Variants in GLI3 observed in about 807,000 individuals in gnomAD.
GLI3 encodes GLI family zinc finger 3.
A neutral mutation model predicts 100.8 loss-of-function variants in GLI3; 20 were observed. The observed-to-expected ratio is 0.20, with a 90% CI of 0.14 to 0.29. The LOEUF is 0.29. GLI3 is among the 10% of genes least tolerant of loss of function. GLI3 has a pLI of 1.00. For synonymous variants in GLI3, 938 were observed against 860.5 expected (o/e 1.09, Z -1.58); for missense variants, 2,040 against 2,128.5 (o/e 0.96, Z 0.82).
chr7:42,004,013 T>C (rs1200712714), intron 10 of GLI3, among the ~76,000 whole-genome samples: 2 of 152,122 alleles, frequency 1.3e-5, no homozygotes, highest in African/African-American at 4.8e-5. Context: ...CATAGAAATA[T>C]ATCATACCAC....
At chr7:42,036,057 A>G (rs1247947743) in intron 7 of GLI3, among the ~76,000 whole-genome samples, 4 of 152,222 alleles carry the variant, frequency 2.6e-5, no homozygotes, top group Admixed American at 1.3e-4. Flanking sequence ...TACTGTTATA[A>G]TATGTCAATG....
intron 2 of GLI3, among the ~76,000 whole-genome samples, chr7:42,204,931 T>A (rs1217434314): frequency 6.6e-6 from 1 of 152,134 alleles, no homozygotes; most frequent in African/African-American, 2.4e-5. Context: ...TAAATTTGTA[T>A]CTCCTCAGAC....
At chr7:42,225,036 A>G (rs1788557250) in intron 1 of GLI3, among the ~76,000 whole-genome samples, 1 of 152,250 alleles carries the variant, frequency 6.6e-6, no homozygotes, top group Admixed American at 6.5e-5. Flanking sequence ...GAATCTGGAC[A>G]GAGAACCCTT....
At chr7:42,195,135 G>A (rs1787905107) in intron 2 of GLI3, among the ~76,000 whole-genome samples, 1 of 152,116 alleles carries the variant, frequency 6.6e-6, no homozygotes, top group East Asian at 1.9e-4. Context: ...GTCTGCACTT[G>A]AGTTAATGAA....
At chr7:42,196,460 C>CA (rs1787930572) in intron 2 of GLI3, among the ~76,000 whole-genome samples, 1 of 151,990 alleles carries the variant, frequency 6.6e-6, no homozygotes, top group Admixed American at 6.6e-5. Flanking sequence ...ATGTACCTCC[C>CA]AAAAAAGATC....
At chr7:42,072,552 T>C (rs777093624) in intron 4 of GLI3, among the ~76,000 whole-genome samples, 2 of 152,204 alleles carry the variant, frequency 1.3e-5, no homozygotes, top group African/African-American at 2.4e-5. Flanking sequence ...CACTTGACAA[T>C]GCAATTGTAT....
intron 3 of GLI3, among the ~76,000 whole-genome samples, chr7:42,143,241 C>G (rs547689985): frequency 3.9e-5 from 6 of 152,160 alleles, no homozygotes; most frequent in Non-Finnish European, 8.8e-5. Context: ...ATCTAATTTT[C>G]AAAGGGCGGA....
intron 2 of GLI3, among the ~76,000 whole-genome samples, chr7:42,190,135 A>C (rs1263272458): frequency 1.1e-5 from 1 of 93,620 alleles, no homozygotes; most frequent in South Asian, 3.2e-4. Context: ...ATATCATCTT[A>C]CTGTCAAAAA....
chr7:42,027,347 T>TA (rs1308571027), intron 7 of GLI3, among the ~76,000 whole-genome samples: 1 of 152,090 alleles, frequency 6.6e-6, no homozygotes, highest in Non-Finnish European at 1.5e-5. Context: ...AATTTCTTTT[T>TA]AAAAAAATAA....
chr7:42,209,820 C>CT (rs553838767), intron 2 of GLI3, among the ~76,000 whole-genome samples: 49,159 of 138,294 alleles, frequency 0.36, 10,443 homozygotes, highest in East Asian at 0.68. Flanking sequence ...GGTTCTCTCT[C>CT]TTTTTTTTTT....
chr7:41,966,157 T>G lies in GLI3; in HGVS notation c.2916A>C (p.Pro972=), dbSNP rs748644965. ...CGCTGCACCTCCTCGGGGCATGAACTGGAGGCAGGGCCACGCCAGGCTCGA... is the reference window on the plus strand; with the variant it reads ...CGCTGCACCTCCTCGGGGCATGAACGGGAGGCAGGGCCACGCCAGGCTCGA... ...DALEPGVALP[P]VHAPRRCSDG... Residue 972 remains proline, a synonymous_variant, in exon 15 of 15, where the codon CCA becomes CCC. Transcript: ENST00000395925. The surrounding 1 kb of genome is among the most constrained non-coding windows in gnomAD (Gnocchi z 5.8). 6.9e-6 allele frequency: 11 copies of G among 1,599,188 alleles called. No individual in the cohort carries two copies. The South Asian group carries it at 1.1e-4, about 16-fold the overall frequency.
intron 3 of GLI3, among the ~76,000 whole-genome samples, chr7:42,098,398 G>C: frequency 6.6e-6 from 1 of 152,144 alleles, no homozygotes; most frequent in East Asian, 1.9e-4. Flanking sequence ...CCCTCTTGAA[G>C]TTTTTGAGTC....
chr7:42,088,962 A>G (rs1401582284), intron 3 of GLI3, among the ~76,000 whole-genome samples: 1 of 152,136 alleles, frequency 6.6e-6, no homozygotes, highest in African/African-American at 2.4e-5. Flanking sequence ...CTTGTCTAAC[A>G]AGACTCAGGC....
intron 10 of GLI3, among the ~76,000 whole-genome samples, chr7:41,997,151 C>A (rs1788149087): frequency 6.6e-6 from 1 of 152,060 alleles, no homozygotes; most frequent in Admixed American, 6.5e-5. Context: ...GAGTTTTTCC[C>A]CCAGATGTTT....
chr7:42,028,541 G>T (rs562242277), intron 7 of GLI3, among the ~76,000 whole-genome samples: 1 of 152,174 alleles, frequency 6.6e-6, no homozygotes, highest in African/African-American at 2.4e-5. Flanking sequence ...AGGCGGGTGG[G>T]TCACCTGAGG....
At chr7:41,994,032 T>G (rs1788059397) in intron 10 of GLI3, among the ~76,000 whole-genome samples, 1 of 152,202 alleles carries the variant, frequency 6.6e-6, no homozygotes, top group African/African-American at 2.4e-5. Context: ...AATGTTGACA[T>G]AACTGTGGGG....
upstream of GLI3, among the ~76,000 whole-genome samples, chr7:42,241,528 T>G (rs528299892): frequency 6.6e-6 from 1 of 152,322 alleles, no homozygotes; most frequent in African/African-American, 2.4e-5. Flanking sequence ...TGAAGAGTGG[T>G]TGGGCCTGAG....
intron 6 of GLI3, among the ~76,000 whole-genome samples, chr7:42,042,777 C>G (rs117143185): frequency 6.6e-6 from 1 of 152,288 alleles, no homozygotes; most frequent in Non-Finnish European, 1.5e-5. Flanking sequence ...AACCTTTCCT[C>G]TCTGTGTTTT....
intron 6 of GLI3, among the ~76,000 whole-genome samples, chr7:42,044,874 A>C (rs1363639987): frequency 6.6e-6 from 1 of 152,118 alleles, no homozygotes. Context: ...TATCAAGACA[A>C]TCACGACAGG....
Sources: gnomAD v4.1 joint callset for allele counts (sites outside exome capture counted in the v4.1 genomes callset) on GRCh38, gnomAD v4.1.1 for gene constraint, Gnocchi (gnomAD v3.1) non-coding constraint, MANE v1.5 for transcripts, NCBI Gene and HGNC (gene_info 2026-07-23, HGNC 2026-07-21) for gene names.